FRY: variants seen among roughly 807,000 people sequenced by gnomAD.
FRY encodes protein furry homolog.
In FRY, 128 loss-of-function variants were observed where a neutral mutation model predicts 348.4. The ratio of observed to expected loss-of-function variants is 0.37; its 90% CI spans 0.32 to 0.43. The LOEUF (loss-of-function observed/expected upper bound fraction) is 0.43. FRY is among the 20% of genes least tolerant of loss of function. The pLI, the probability that FRY is intolerant of heterozygous loss-of-function variation, is 1.00. For missense variants in FRY, 2,736 were observed against 3,695.2 expected, an observed-to-expected ratio of 0.74 and a Z score of 6.73; for synonymous variants, 1,370 against 1,374.7, an observed-to-expected ratio of 1.00 and a Z score of 0.08.
At chr13:32,267,100 G>A in intron 54 of FRY, 70 bp from the exon 55 acceptor site, 2 of 1,417,860 alleles carry the variant, frequency 1.4e-6, no homozygotes, top group South Asian at 2.3e-5. Flanking sequence ...CTCAGGGTGA[G>A]AATTTATAAA....
At chr13:32,121,070 A>G (rs142669291) in intron 4 of FRY, among the ~76,000 whole-genome samples, 11,346 of 152,258 alleles carry the variant, frequency 0.075, 539 homozygotes, top group Admixed American at 0.12. Flanking sequence ...ATAGTCTCCA[A>G]TCTCATCCAG....
intron 4 of FRY, among the ~76,000 whole-genome samples, chr13:32,120,706 G>A (rs989802909): frequency 4.6e-5 from 7 of 152,164 alleles, no homozygotes; most frequent in African/African-American, 1.7e-4. Context: ...CTGTCACCAA[G>A]GCTGGAGTGC....
At chr13:32,267,572 T>C (rs908425751) in intron 55 of FRY, among the ~76,000 whole-genome samples, 1 of 152,210 alleles carries the variant, frequency 6.6e-6, no homozygotes. Flanking sequence ...TAGGCTGCCA[T>C]GAAGTACCTT....
At chr13:32,083,806 T>C (rs960982343) in intron 2 of FRY, among the ~76,000 whole-genome samples, 1 of 152,184 alleles carries the variant, frequency 6.6e-6, no homozygotes, top group Non-Finnish European at 1.5e-5. Flanking sequence ...GCATAGATTT[T>C]TCTCTAGTCC....
chr13:32,032,992 A>T (rs1438448571), intron 1 of FRY, among the ~76,000 whole-genome samples: 4 of 152,180 alleles, frequency 2.6e-5, no homozygotes. Flanking sequence ...TGAGGAAAAG[A>T]GCTAAAGTAC....
intron 1 of FRY, among the ~76,000 whole-genome samples, chr13:32,045,067 TC>T (rs1406690023): frequency 4.6e-5 from 7 of 152,174 alleles, no homozygotes. Flanking sequence ...CACTATTTTT[TC>T]CCCATATTGC....
intron 11 of FRY, among the ~76,000 whole-genome samples, chr13:32,141,906 C>G (rs1328599622): frequency 1.3e-5 from 2 of 152,136 alleles, no homozygotes; most frequent in Admixed American, 1.3e-4. Flanking sequence ...CCACTAGTTT[C>G]TTGAACAATT....
intron 24 of FRY, among the ~76,000 whole-genome samples, chr13:32,183,563 G>A (rs983995920): frequency 6.6e-6 from 1 of 152,102 alleles, no homozygotes; most frequent in African/African-American, 2.4e-5. Flanking sequence ...AGATCAAGAA[G>A]TCAAGAGATC....
intron 1 of FRY, among the ~76,000 whole-genome samples, chr13:32,038,883 C>T (rs1037276245): frequency 6.6e-6 from 1 of 152,222 alleles, no homozygotes; most frequent in Non-Finnish European, 1.5e-5. Context: ...CAACTAAGCA[C>T]AACACACACT....
Position 32,036,478 on chromosome 13 carries a change from T to A in FRY, c.70+4613T>A, listed in dbSNP as rs188519457. ...ATGATTAAGACAAATCAGAGGGTTT[T>A]TTTTTTCCCATTCAAATGCATGAAC... On this transcript the variant is annotated intron_variant, in intron 1 of 60. Coordinates refer to ENST00000542859, the MANE Select transcript of FRY (RefSeq NM_023037.3). Among the ~76,000 whole-genome samples, 34 of 152,230 alleles carry A rather than the reference T, an allele frequency of 2.2e-4. No homozygotes were observed. The East Asian group carries it at 5.0e-3, about 22-fold the overall frequency.
At chr13:32,101,129 C>T (rs980249659) in intron 2 of FRY, among the ~76,000 whole-genome samples, 4 of 152,256 alleles carry the variant, frequency 2.6e-5, no homozygotes, top group East Asian at 1.9e-4. Context: ...ATTCCTCTCT[C>T]GCCAGCCCCT....
At chr13:32,145,807 G>T (rs938070435) in intron 11 of FRY, among the ~76,000 whole-genome samples, 9 of 151,528 alleles carry the variant, frequency 5.9e-5, no homozygotes, top group Admixed American at 5.9e-4. Context: ...GCCTCCCAAA[G>T]TGCTGGGATT....
intron 1 of FRY, among the ~76,000 whole-genome samples, chr13:32,052,507 ATTTAT>A (rs1291944746): frequency 2.0e-5 from 3 of 152,242 alleles, no homozygotes; most frequent in East Asian, 1.9e-4. Context: ...AATTTTCATA[ATTTAT>A]TTTATCTAAT....
At chr13:32,268,139 C>T (rs180775032) in intron 55 of FRY, among the ~76,000 whole-genome samples, 254 of 152,344 alleles carry the variant, frequency 1.7e-3, no homozygotes, top group African/African-American at 6.0e-3. Flanking sequence ...TGTGTGGGCA[C>T]GCTTAAATCT....
At chr13:32,123,726 A>G (rs1878832016) in intron 4 of FRY, among the ~76,000 whole-genome samples, 1 of 152,206 alleles carries the variant, frequency 6.6e-6, no homozygotes, top group Non-Finnish European at 1.5e-5. Context: ...ATAACTACTC[A>G]AGTTAACATC....
At chr13:32,209,852 TC>T in intron 33 of FRY, 121 bp downstream of exon 33, 2 of 986,260 alleles carry the variant, frequency 2.0e-6, no homozygotes, top group Non-Finnish European at 3.2e-6. Flanking sequence ...GTCACATGAA[TC>T]TCCTGTGAGC....
chr13:32,083,254 T>C (rs1038329540), intron 2 of FRY, among the ~76,000 whole-genome samples: 5 of 152,196 alleles, frequency 3.3e-5, no homozygotes, highest in Non-Finnish European at 7.4e-5. Flanking sequence ...TTTTGATGAC[T>C]ATATTTTTTA....
chr13:32,119,172 A>G (rs1348521401), intron 4 of FRY, among the ~76,000 whole-genome samples: 1 of 152,216 alleles, frequency 6.6e-6, no homozygotes, highest in African/African-American at 2.4e-5. Context: ...TAAGAGAGAA[A>G]ATGTGCTTAG....
intron 11 of FRY, among the ~76,000 whole-genome samples, chr13:32,137,622 CAT>C (rs975559913): frequency 9.9e-5 from 15 of 152,160 alleles, no homozygotes; most frequent in African/African-American, 3.6e-4. Flanking sequence ...AAGTGGTGAA[CAT>C]GTTTTAAGTT....
Sources: gnomAD v4.1 joint callset for allele counts (sites outside exome capture counted in the v4.1 genomes callset) on GRCh38, gnomAD v4.1.1 for gene constraint, MANE v1.5 for transcripts, NCBI Gene and HGNC (gene_info 2026-07-23, HGNC 2026-07-21) for gene names.